The following PTN variants were observed in gnomAD, a reference collection of about 807,000 sequenced individuals.
PTN encodes the protein heparin affin regulatory protein.
A neutral mutation model predicts 24.1 loss-of-function variants in PTN; 18 were observed. That is an observed-to-expected ratio of 0.75 (90% CI 0.52 to 1.11). The LOEUF (loss-of-function observed/expected upper bound fraction) is 1.11, where lower values mean the gene tolerates loss of function less well. Among genes scored for constraint, PTN ranks in the 50% least tolerant of loss-of-function variants. The probability of loss-of-function intolerance (pLI) is 0.00; values close to 1 mark genes in which losing one functional copy is unlikely to be tolerated. For missense variants in PTN, 163 were observed against 198.8 expected (o/e 0.82, Z 1.08); for synonymous variants, 78 against 68.6 (o/e 1.14, Z -0.67).
intron 1 of PTN, among the ~76,000 whole-genome samples, chr7:137,303,605 C>T (rs966846398): frequency 6.6e-6 from 1 of 151,748 alleles, no homozygotes; most frequent in African/African-American, 2.4e-5. Context: ...GGCATAAAGA[C>T]AAATAAAATG....
At position 137,240,399 on chromosome 7, in the gene PTN, T is replaced by C. The variant is rs1350543253; in HGVS notation, c.451+10831A>G. On this transcript the variant is annotated intron_variant, in intron 4 of 4. Coordinates refer to ENST00000348225, the MANE Select transcript of PTN (RefSeq NM_002825.7). ...CTCTGTCTCATAGCATTTGCCACTC[T>C]ATGTGGTACACTGGAATTTATCCCT... Among the ~76,000 whole-genome samples the C allele has an allele frequency of 3.3e-5, 5 of 152,324 alleles. No individual in the cohort carries two copies. In the East Asian group the frequency reaches 9.6e-4, roughly 29 times the overall value.
intron 1 of PTN, among the ~76,000 whole-genome samples, chr7:137,333,440 C>A (rs1406862236): frequency 6.6e-6 from 1 of 152,124 alleles, no homozygotes; most frequent in Non-Finnish European, 1.5e-5. Context: ...CAATATGTTC[C>A]TTATTAATTA....
chr7:137,341,282 A>T (rs181539979), intron 1 of PTN, among the ~76,000 whole-genome samples: 2 of 152,330 alleles, frequency 1.3e-5, no homozygotes, highest in African/African-American at 4.8e-5. Flanking sequence ...GAAATTTTAA[A>T]CCAGGCCATT....
intron 1 of PTN, among the ~76,000 whole-genome samples, chr7:137,256,320 C>T (rs906982878): frequency 1.3e-5 from 2 of 152,146 alleles, no homozygotes; most frequent in Non-Finnish European, 2.9e-5. Flanking sequence ...TCCCCTTACC[C>T]CACACCCCTC....
chr7:137,320,430 G>A (rs965235126), intron 1 of PTN, among the ~76,000 whole-genome samples: 1 of 152,100 alleles, frequency 6.6e-6, no homozygotes, highest in African/African-American at 2.4e-5. Context: ...CACACTTCTA[G>A]GAAATTTAGT....
chr7:137,255,445 T>C (rs1563201622), intron 1 of PTN, among the ~76,000 whole-genome samples: 1 of 152,338 alleles, frequency 6.6e-6, no homozygotes, highest in South Asian at 2.1e-4. Flanking sequence ...TACAAGTATA[T>C]GTTTACTGTT....
intron 4 of PTN, among the ~76,000 whole-genome samples, chr7:137,236,495 CAGAG>C (rs773054238): frequency 2.6e-5 from 4 of 152,018 alleles, no homozygotes; most frequent in African/African-American, 4.8e-5. Flanking sequence ...CATACACAGA[CAGAG>C]AGAGAGAAAA....
intron 1 of PTN, among the ~76,000 whole-genome samples, chr7:137,292,627 G>T (rs1294499667): frequency 1.3e-5 from 2 of 152,108 alleles, no homozygotes; most frequent in African/African-American, 2.4e-5. Flanking sequence ...TTTATTAGCA[G>T]CATGAGAACA....
intron 1 of PTN, among the ~76,000 whole-genome samples, chr7:137,291,877 G>A (rs148861892): frequency 2.0e-5 from 3 of 152,180 alleles, no homozygotes; most frequent in East Asian, 1.9e-4. Context: ...GAATGACTGC[G>A]GGTTCTTTTG....
At chr7:137,285,641 G>A (rs757499173) in intron 1 of PTN, among the ~76,000 whole-genome samples, 1 of 152,158 alleles carries the variant, frequency 6.6e-6, no homozygotes, top group Non-Finnish European at 1.5e-5. Flanking sequence ...TTGCACTCCA[G>A]CCTAGGCAAC....
intron 4 of PTN, among the ~76,000 whole-genome samples, chr7:137,249,451 A>G (rs1214621585): frequency 6.6e-6 from 1 of 152,158 alleles, no homozygotes; most frequent in Non-Finnish European, 1.5e-5. Context: ...AGTCTGTGCT[A>G]TACTTGGGCA....
chr7:137,341,401 A>G (rs1377750326), intron 1 of PTN, among the ~76,000 whole-genome samples: 2 of 152,122 alleles, frequency 1.3e-5, no homozygotes, highest in African/African-American at 2.4e-5. Context: ...GGAAAATATC[A>G]ATAAATTAAT....
chr7:137,260,406 T>C (rs1809013376), intron 1 of PTN, among the ~76,000 whole-genome samples: 3 of 152,146 alleles, frequency 2.0e-5, no homozygotes, highest in Admixed American at 2.0e-4. Flanking sequence ...ATGTTTCCCA[T>C]CCCAATGACA....
chr7:137,314,918 T>C (rs1395988003), intron 1 of PTN, among the ~76,000 whole-genome samples: 1 of 152,156 alleles, frequency 6.6e-6, no homozygotes, highest in Non-Finnish European at 1.5e-5. Context: ...TACTAGTGAC[T>C]CCTCCATGTT....
rs190790002 is a variant in PTN, at chr7:137,282,847, C to T, written c.-1-27873G>A. Among the ~76,000 whole-genome samples, 11 of 152,192 alleles carry T rather than the reference C, an allele frequency of 7.2e-5. No homozygotes were observed. In the East Asian group the frequency reaches 1.9e-3, roughly 27 times the overall value. On this transcript the variant is annotated intron_variant, in intron 1 of 4. Transcript: ENST00000348225. ...AAAGCAAAATCGCAAATAATTTCTA[C>T]CCCAGAAAATCTAGGTTTGTATGTG...
chr7:137,342,657 T>C (rs749384617), intron 1 of PTN, among the ~76,000 whole-genome samples: 4 of 152,178 alleles, frequency 2.6e-5, no homozygotes, highest in Non-Finnish European at 5.9e-5. Context: ...TCTCAAAAAA[T>C]GTTTTCTTAA....
At chr7:137,298,167 C>T (rs534328460) in intron 1 of PTN, among the ~76,000 whole-genome samples, 1 of 152,114 alleles carries the variant, frequency 6.6e-6, no homozygotes, top group South Asian at 2.1e-4. Flanking sequence ...ATTATTGTTT[C>T]TAATCTTGAA....
chr7:137,266,507 C>G (rs322306), intron 1 of PTN, among the ~76,000 whole-genome samples: 48,414 of 151,526 alleles, frequency 0.32, 9,252 homozygotes, highest in African/African-American at 0.55. Context: ...GACAATTCTT[C>G]CACATGCTCA....
chr7:137,280,683 G>A (rs1282193117), intron 1 of PTN, among the ~76,000 whole-genome samples: 44 of 33,598 alleles, frequency 1.3e-3, no homozygotes, highest in African/African-American at 4.3e-3. Flanking sequence ...GCAAAACCCC[G>A]TCTCTACTAA....
Sources: gnomAD v4.1 joint callset for allele counts (sites outside exome capture counted in the v4.1 genomes callset) on GRCh38, gnomAD v4.1.1 for gene constraint, MANE v1.5 for transcripts, NCBI Gene and HGNC (gene_info 2026-07-23, HGNC 2026-07-21) for gene names.